RANBP2: variants seen among roughly 807,000 people sequenced by gnomAD.
RANBP2 encodes RAN binding protein 2, also known as E3 SUMO-protein ligase RanBP2.
RANBP2 carries 57 observed loss-of-function variants against 303.6 expected under a neutral mutation model. The observed-to-expected ratio is 0.19, with a 90% CI of 0.15 to 0.23. The LOEUF (loss-of-function observed/expected upper bound fraction) is 0.23, where lower values mean the gene tolerates loss of function less well. Among genes scored for constraint, RANBP2 ranks in the 10% least tolerant of loss-of-function variants. The pLI, the probability that RANBP2 is intolerant of heterozygous loss-of-function variation, is 1.00. For missense variants in RANBP2, 3,138 were observed against 3,780.8 expected (o/e 0.83, Z 4.46); for synonymous variants, 1,167 against 1,301.5 (o/e 0.90, Z 2.23).
the RANBP2 span, among the ~76,000 whole-genome samples, chr2:109,356,191 C>T: frequency 1.3e-5 from 2 of 152,232 alleles, no homozygotes; most frequent in Admixed American, 6.5e-5. Context: ...TGGCTGACTT[C>T]CTGCACCCCA....
the RANBP2 span, chr2:109,614,410 G>C: frequency 5.6e-6 from 6 of 1,072,512 alleles, no homozygotes; most frequent in East Asian, 2.2e-4. Context: ...CTCCGCCGCC[G>C]TCGGGAGCCG....
At chr2:109,249,557 TTCCTTCCTTCCTTCCTTCCTTCCTTC>T in the RANBP2 span, among the ~76,000 whole-genome samples, 1 of 136,976 alleles carries the variant, frequency 7.3e-6, no homozygotes, top group Non-Finnish European at 1.5e-5. Context: ...CCTTCCTTCC[TTCCTTCCTTCCTTCCTTCCTTCCTTC>T]CTTTCCTTTC....
chr2:109,553,283 G>GA, the RANBP2 span: 12 of 1,561,112 alleles, frequency 7.7e-6, no homozygotes, highest in African/African-American at 1.6e-4. Flanking sequence ...GGCGGCTCAC[G>GA]CCTGTAATCC....
chr2:108,742,155 C>T (rs1696157737), intron 7 of RANBP2, among the ~76,000 whole-genome samples: 1 of 151,830 alleles, frequency 6.6e-6, no homozygotes, highest in Non-Finnish European at 1.5e-5. Context: ...CGCCACCACG[C>T]CCGTCTAATT....
chr2:108,882,733 T>C, the RANBP2 span: 7 of 152,210 alleles, frequency 4.6e-5, no homozygotes, highest in African/African-American at 1.7e-4. Flanking sequence ...GCCTCCTCTT[T>C]CTCTCACCAT....
At chr2:109,239,829 C>T in the RANBP2 span, among the ~76,000 whole-genome samples, 1 of 152,188 alleles carries the variant, frequency 6.6e-6, no homozygotes, top group African/African-American at 2.4e-5. Context: ...ATCCCCACAG[C>T]TCACAGCAAC....
the RANBP2 span, among the ~76,000 whole-genome samples, chr2:109,702,133 CCAG>C: frequency 6.6e-6 from 1 of 152,206 alleles, no homozygotes; most frequent in Non-Finnish European, 1.5e-5. Context: ...AGCTGGCCAC[CCAG>C]CAGCCCCACG....
chr2:109,529,841 G>A, the RANBP2 span, among the ~76,000 whole-genome samples: 1 of 152,150 alleles, frequency 6.6e-6, no homozygotes, highest in Non-Finnish European at 1.5e-5. Flanking sequence ...TTCCCCACTG[G>A]GCTGAGCCTT....
the RANBP2 span, among the ~76,000 whole-genome samples, chr2:108,941,552 C>T: frequency 6.6e-6 from 1 of 152,170 alleles, no homozygotes; most frequent in Non-Finnish European, 1.5e-5. Context: ...ACACTCAGCT[C>T]TGAGGGTCCT....
At chr2:109,665,471 A>G in the RANBP2 span, 1 of 151,826 alleles carries the variant, frequency 6.6e-6, no homozygotes, top group Non-Finnish European at 1.5e-5. Context: ...CCTCCCAAGT[A>G]GCTGGGATTA....
At chr2:109,615,837 G>T in the RANBP2 span, 2 of 1,614,130 alleles carry the variant, frequency 1.2e-6, no homozygotes, top group Non-Finnish European at 1.7e-6. Context: ...GGGGTGGGTC[G>T]GAGGCAAAGC....
the RANBP2 span, among the ~76,000 whole-genome samples, chr2:109,029,154 A>C: frequency 9.9e-5 from 15 of 152,140 alleles, no homozygotes; most frequent in Non-Finnish European, 1.8e-4. Context: ...TAAATAAATA[A>C]ATAAATAAGG....
At chr2:109,614,533 C>G in the RANBP2 span, 1 of 1,287,908 alleles carries the variant, frequency 7.8e-7, no homozygotes, top group Non-Finnish European at 9.8e-7. Context: ...GCGCTGGGCC[C>G]CGAGGCGGTG....
At chr2:109,737,490 G>A in the RANBP2 span, 956 of 597,562 alleles carry the variant, frequency 1.6e-3, 3 homozygotes, top group African/African-American at 3.1e-3. Context: ...TTTTTTGCCC[G>A]CCTTCTCCAC....
chr2:108,815,916 A>G, the RANBP2 span: 1 of 1,570,900 alleles, frequency 6.4e-7, no homozygotes, highest in South Asian at 1.2e-5. Context: ...GAACTGAAAT[A>G]AATGATTTAA....
At chr2:109,271,666 G>A in the RANBP2 span, among the ~76,000 whole-genome samples, 2 of 152,212 alleles carry the variant, frequency 1.3e-5, no homozygotes, top group Admixed American at 6.5e-5. Context: ...ATCCAGATAC[G>A]TGGTGGGTGC....
chr2:108,989,453 T>TA, the RANBP2 span: 1 of 152,534 alleles, frequency 6.6e-6, no homozygotes, highest in Non-Finnish European at 1.5e-5. Flanking sequence ...TCAGAGCCTT[T>TA]AGGCGTGGGA....
chr2:109,766,855 C>T, the RANBP2 span, among the ~76,000 whole-genome samples: 2 of 149,982 alleles, frequency 1.3e-5, no homozygotes, highest in African/African-American at 2.4e-5. Context: ...CCGTAAAAGA[C>T]GATTTTAATA....
chr2:108,796,394 G>T, the RANBP2 span, among the ~76,000 whole-genome samples: 1 of 152,162 alleles, frequency 6.6e-6, no homozygotes, highest in African/African-American at 2.4e-5. Flanking sequence ...AATTTACTTT[G>T]TAAGTACAGC....
Sources: gnomAD v4.1 joint callset for allele counts (sites outside exome capture counted in the v4.1 genomes callset) on GRCh38, gnomAD v4.1.1 for gene constraint, MANE v1.5 for transcripts, NCBI Gene and HGNC (gene_info 2026-07-23, HGNC 2026-07-21) for gene names.